TBC1D19: variants seen among roughly 807,000 people sequenced by gnomAD.
The protein encoded by TBC1D19 is TBC1 domain family member 19, also known as TBC1 domain family, member 19.
Under a neutral mutation model 89.0 loss-of-function variants are expected in TBC1D19, and 60 were observed. The ratio of observed to expected loss-of-function variants is 0.67; its 90% CI spans 0.55 to 0.84. The LOEUF is 0.84. Among genes scored for constraint, TBC1D19 ranks in the 40% least tolerant of loss-of-function variants. The probability of loss-of-function intolerance (pLI) is 0.00; values close to 1 mark genes in which losing one functional copy is unlikely to be tolerated. For missense variants in TBC1D19, 500 were observed against 610.8 expected, an observed-to-expected ratio of 0.82 and a Z score of 1.91; for synonymous variants, 189 against 199.7, an observed-to-expected ratio of 0.95 and a Z score of 0.45.
At chr4:26,609,339 C>T (rs1741219131) in intron 1 of TBC1D19, among the ~76,000 whole-genome samples, 1 of 151,978 alleles carries the variant, frequency 6.6e-6, no homozygotes, top group Non-Finnish European at 1.5e-5. Context: ...ATAGTCTAGT[C>T]AGAAAGATAA....
At chr4:26,634,667 CTT>C (rs1486115044) in intron 4 of TBC1D19, among the ~76,000 whole-genome samples, 6 of 152,038 alleles carry the variant, frequency 3.9e-5, no homozygotes, top group Admixed American at 3.3e-4. Context: ...TTTAATAAAA[CTT>C]AACTTTTTAT....
intron 13 of TBC1D19, among the ~76,000 whole-genome samples, chr4:26,708,653 C>A (rs1385513937): frequency 6.6e-6 from 1 of 152,000 alleles, no homozygotes; most frequent in Non-Finnish European, 1.5e-5. Context: ...GCTCTGTTAA[C>A]TTCAATTTTT....
At chr4:26,719,092 C>T (rs948002876) in intron 14 of TBC1D19, among the ~76,000 whole-genome samples, 3 of 152,098 alleles carry the variant, frequency 2.0e-5, no homozygotes, top group African/African-American at 7.2e-5. Context: ...CACTTAAAGT[C>T]TGTGCTAGAA....
In TBC1D19 at chr4:26,738,995, C is replaced by T. The variant is rs193189784; in HGVS notation, c.1118-869C>T. Among the ~76,000 whole-genome samples the T allele has an allele frequency of 5.7e-4, 87 of 152,218 alleles. 2 individuals are homozygous for T. Among genetic ancestry groups the T allele is most frequent in the Admixed American group, 5.2e-3 (80 of 15,290 alleles). On this transcript the variant is annotated intron_variant, in intron 16 of 20. Coordinates refer to ENST00000264866, the MANE Select transcript of TBC1D19 (RefSeq NM_018317.4). The stretch of plus-strand genomic sequence containing the variant: ...CCAATACATATTGTTTGAAATTACC[C>T]TGTAAGGCATTTTTTATTAAAATTA...
At chr4:26,743,131 A>G (rs967961112) in intron 18 of TBC1D19, among the ~76,000 whole-genome samples, 3 of 152,094 alleles carry the variant, frequency 2.0e-5, no homozygotes, top group Non-Finnish European at 4.4e-5. Context: ...TATGTATAGT[A>G]TCTCTGGACT....
At chr4:26,843,745 G>A in the TBC1D19 span, among the ~76,000 whole-genome samples, 2 of 152,076 alleles carry the variant, frequency 1.3e-5, no homozygotes, top group East Asian at 3.9e-4. Context: ...AAAGAAAAGA[G>A]GTTTAATTGA....
intron 8 of TBC1D19, among the ~76,000 whole-genome samples, chr4:26,662,195 C>A (rs1276767007): frequency 2.0e-5 from 3 of 152,064 alleles, no homozygotes; most frequent in Admixed American, 2.0e-4. Context: ...GACATGTTAA[C>A]CATTTATTCC....
chr4:26,739,146 A>G (rs949828104), intron 16 of TBC1D19, among the ~76,000 whole-genome samples: 1 of 152,208 alleles, frequency 6.6e-6, no homozygotes, highest in Admixed American at 6.5e-5. Context: ...TCACATGCTC[A>G]GGTAGGTCGC....
the TBC1D19 span, among the ~76,000 whole-genome samples, chr4:26,819,047 AG>A: frequency 6.6e-6 from 1 of 152,236 alleles, no homozygotes; most frequent in Non-Finnish European, 1.5e-5. Context: ...AGTGGATGCC[AG>A]GGAGACCGAC....
rs760776138 is a variant in TBC1D19, at chr4:26,666,364, T to C, written c.623T>C (p.Ile208Thr). Reference sequence around the variant, plus strand: ...TGCTTTGTGGAACTTGGCTTAAATATAGGACAACTGGGTATAGATGATTCT... The same window carrying C: ...TGCTTTGTGGAACTTGGCTTAAATACAGGACAACTGGGTATAGATGATTCT... ...KECFVELGLN[I>T]GQLGIDDSTQ... The change falls in exon 9 of 21, where the codon ATA (isoleucine) becomes ACA (threonine). Residue 208 changes from isoleucine to threonine, a missense_variant. Around this residue, in one of 2 missense-constraint regions of TBC1D19, gnomAD observed 280 missense variants for 291.7 expected, o/e 0.96. Transcript: ENST00000264866. 1.9e-6 allele frequency: 3 copies of C among 1,611,154 alleles called. No homozygotes were observed. Among genetic ancestry groups the C allele is most frequent in the Admixed American group, 3.3e-5 (2 of 59,966 alleles).
chr4:26,735,029 T>TATGTATATATGTATACAC (rs1560504020), intron 15 of TBC1D19, among the ~76,000 whole-genome samples: 1 of 78,592 alleles, frequency 1.3e-5, no homozygotes, highest in African/African-American at 3.4e-5. Flanking sequence ...TACACATGTA[T>TATGTATATATGTATACAC]ATATGTATAT....
intron 7 of TBC1D19, among the ~76,000 whole-genome samples, chr4:26,648,853 G>A (rs1419527818): frequency 6.6e-6 from 1 of 151,876 alleles, no homozygotes; most frequent in Non-Finnish European, 1.5e-5. Context: ...TTCTTATTAT[G>A]TTTTCTCCTT....
At chr4:26,830,224 G>C in the TBC1D19 span, among the ~76,000 whole-genome samples, 369 of 152,306 alleles carry the variant, frequency 2.4e-3, 1 homozygote, top group African/African-American at 7.9e-3. Context: ...CTTTGAATAA[G>C]TAATGCGTAT....
At chr4:26,604,813 G>A (rs370669823) in intron 1 of TBC1D19, among the ~76,000 whole-genome samples, 4 of 151,970 alleles carry the variant, frequency 2.6e-5, no homozygotes, top group East Asian at 2.0e-4. Flanking sequence ...CCCGGGAGGC[G>A]GAGCTTGCAG....
At chr4:26,627,454 G>A (rs1283245223) in intron 4 of TBC1D19, among the ~76,000 whole-genome samples, 5 of 152,040 alleles carry the variant, frequency 3.3e-5, no homozygotes, top group Non-Finnish European at 5.9e-5. Flanking sequence ...AGAACCCTGA[G>A]GAATCGCCAC....
intron 11 of TBC1D19, among the ~76,000 whole-genome samples, chr4:26,678,086 C>G (rs13147852): frequency 0.18 from 27,728 of 152,048 alleles, 3,071 homozygotes; most frequent in Non-Finnish European, 0.25. Context: ...CAGAAGAAGA[C>G]AGGAAAATGT....
chr4:26,579,400 G>A (rs905759373), upstream of TBC1D19, among the ~76,000 whole-genome samples: 16 of 151,946 alleles, frequency 1.1e-4, no homozygotes, highest in African/African-American at 2.4e-5. Context: ...TTATGGGGAA[G>A]TCTTCTTCGG....
At chr4:26,717,736 T>C (rs1386594780) in intron 13 of TBC1D19, among the ~76,000 whole-genome samples, 197 bp from the exon 14 acceptor site, 1 of 152,054 alleles carries the variant, frequency 6.6e-6, no homozygotes, top group Non-Finnish European at 1.5e-5. Context: ...AAAGTTGAGG[T>C]AGCAAATGGT....
At chr4:26,709,142 T>C (rs1181784538) in intron 13 of TBC1D19, among the ~76,000 whole-genome samples, 1 of 152,024 alleles carries the variant, frequency 6.6e-6, no homozygotes, top group Non-Finnish European at 1.5e-5. Context: ...GTTGTTGTTA[T>C]TGTTTTAGTT....
Sources: gnomAD v4.1 joint callset for allele counts (sites outside exome capture counted in the v4.1 genomes callset) on GRCh38, gnomAD v4.1.1 for gene constraint, gnomAD v4.1.1 regional missense constraint, MANE v1.5 for transcripts, NCBI Gene and HGNC (gene_info 2026-07-23, HGNC 2026-07-21) for gene names.